The following BMP7 variants were observed in gnomAD, a reference collection of about 807,000 sequenced individuals.
The protein encoded by BMP7 is osteogenic protein 1.
BMP7 carries 12 observed loss-of-function variants against 41.2 expected under a neutral mutation model. The observed-to-expected ratio is 0.29, with a 90% CI of 0.19 to 0.47. The LOEUF is 0.47. BMP7 is among the 20% of genes least tolerant of loss of function. The pLI is 0.99. For missense variants in BMP7, 467 were observed against 606.0 expected (o/e 0.77, Z 2.41); for synonymous variants, 248 against 250.0 (o/e 0.99, Z 0.07).
At position 57,174,700 on chromosome 20, in the gene BMP7, T is replaced by G. The variant is rs995634585; in HGVS notation, c.1035+231A>C. 1.3e-5 allele frequency among the ~76,000 whole-genome samples: 2 copies of G among 152,050 alleles called. No homozygotes were observed. Among genetic ancestry groups the G allele is most frequent in the Non-Finnish European group, 2.9e-5 (2 of 68,004 alleles). On this transcript the variant is annotated intron_variant, in intron 5 of 6. Coordinates refer to ENST00000395863, the MANE Select transcript of BMP7 (RefSeq NM_001719.3). This position sits in a 1 kb window ranked among gnomAD's most constrained non-coding sequence, Gnocchi z 4.3. ...TGCATGCAGAGAATGGGGTTCAGAG[T>G]CCAAAGTGTTTGGGTTCCTGGTTCA... is the stretch of plus-strand genomic sequence containing the variant.
At chr20:57,205,558 G>A (rs1293302666) in intron 2 of BMP7, among the ~76,000 whole-genome samples, 1 of 152,154 alleles carries the variant, frequency 6.6e-6, no homozygotes, top group Admixed American at 6.6e-5. Flanking sequence ...TACTGAATCA[G>A]GCTCCCAAGG....
chr20:57,233,174 T>C (rs2426704), intron 1 of BMP7, among the ~76,000 whole-genome samples: 25,790 of 152,104 alleles, frequency 0.17, 2,546 homozygotes, highest in East Asian at 0.33. Flanking sequence ...CATCTCCCCA[T>C]GCCCACAGAG....
chr20:57,181,292 C>G (rs7268581), intron 4 of BMP7, among the ~76,000 whole-genome samples: 3,580 of 152,142 alleles, frequency 0.024, 116 homozygotes, highest in African/African-American at 0.076. Context: ...ATAGCTTGAG[C>G]CCAAGAGCTC....
At chr20:57,184,528 G>A (rs1051030234) in intron 3 of BMP7, among the ~76,000 whole-genome samples, 9 of 152,038 alleles carry the variant, frequency 5.9e-5, no homozygotes, top group African/African-American at 2.2e-4. Flanking sequence ...GGCAGTAGGG[G>A]CACGAGTCAG....
At chr20:57,184,782 C>G (rs933551334) in intron 3 of BMP7, among the ~76,000 whole-genome samples, 2 of 152,158 alleles carry the variant, frequency 1.3e-5, no homozygotes, top group African/African-American at 4.8e-5. Flanking sequence ...CTGGGGAAGA[C>G]AGAGGCCATG....
rs534030685 is a variant in BMP7 at position 57,255,765 on chromosome 20, A to G, written c.418+9940T>C. ...CAGTGAGTGGAGATCATGCCACTAC[A>G]CTCCAGCCTGGGGGATAGCGAGAGA... On this transcript the variant is annotated intron_variant, in intron 1 of 6. Transcript: ENST00000395863. Among the ~76,000 whole-genome samples, 56 of 128,556 alleles carry G rather than the reference A, an allele frequency of 4.4e-4. 1 individual carries two copies. 84.3% of individuals were successfully genotyped at this position (128,556 alleles called of 152,430 possible).
chr20:57,218,856 C>CTGGTAGCTGGTGTTTGG (rs1337621567), intron 2 of BMP7, among the ~76,000 whole-genome samples: 2 of 118,980 alleles, frequency 1.7e-5, no homozygotes, highest in Admixed American at 1.8e-4. Flanking sequence ...TATGTGTTTG[C>CTGGTAGCTGGTGTTTGG]TGGTAGCTGG....
At chr20:57,173,345 G>C (rs369263421) in intron 5 of BMP7, 35 bp from the exon 6 acceptor site, 1 of 1,594,640 alleles carries the variant, frequency 6.3e-7, no homozygotes, top group Non-Finnish European at 8.6e-7. Flanking sequence ...AAACCATGCA[G>C]AAGGCCTGAG....
intron 1 of BMP7, among the ~76,000 whole-genome samples, chr20:57,231,670 C>T (rs867579970): frequency 1.3e-5 from 2 of 152,212 alleles, no homozygotes; most frequent in Admixed American, 6.5e-5. Context: ...GCCCTTGAGT[C>T]GTGCCATGAT....
At position 57,228,054 on chromosome 20, in the gene BMP7, G is replaced by A. The variant is rs766115063; in HGVS notation, c.611+175C>T. 6.6e-5 allele frequency among the ~76,000 whole-genome samples: 10 copies of A among 152,026 alleles called. No homozygotes were observed. Among genetic ancestry groups the A allele is most frequent in the Non-Finnish European group, 1.5e-4 (10 of 68,008 alleles). On this transcript the variant is annotated intron_variant, in intron 2 of 6. Transcript: ENST00000395863. The surrounding 1 kb of genome is among the most constrained non-coding windows in gnomAD (Gnocchi z 4.5). ...TTCTACTATTCCTGAATTTGTTGTCGGTCATGGTTTTAAGGAAGTGACATA... is the reference window on the plus strand; with the variant it reads ...TTCTACTATTCCTGAATTTGTTGTCAGTCATGGTTTTAAGGAAGTGACATA...
rs149836190 is a variant in BMP7, at chr20:57,228,384, G to A, written c.456C>T (p.His152=). The part of the protein sequence containing the change: ...HDKEFFHPRY[H]HREFRFDLSK... ...AAAGATCAAACCGGAACTCTCGATGGTGGTAGCGTGGGTGGAAGAATTCCT... is the reference window on the plus strand; with the variant it reads ...AAAGATCAAACCGGAACTCTCGATGATGGTAGCGTGGGTGGAAGAATTCCT... Residue 152 remains histidine, a synonymous_variant, in exon 2 of 7, where the codon CAC becomes CAT. Coordinates refer to ENST00000395863, the MANE Select transcript of BMP7 (RefSeq NM_001719.3). The surrounding 1 kb of genome is among the most constrained non-coding windows in gnomAD (Gnocchi z 4.5). The A allele has an allele frequency of 1.2e-3, 1,919 of 1,614,190 alleles. 22 individuals are homozygous for A. In the African/African-American group the frequency reaches 0.021, roughly 17 times the overall value.
chr20:57,253,297 A>G (rs2066121586), intron 1 of BMP7, among the ~76,000 whole-genome samples: 1 of 152,212 alleles, frequency 6.6e-6, no homozygotes, highest in African/African-American at 2.4e-5. Flanking sequence ...TGTTAGGTCA[A>G]GTCAGTCAAA....
chr20:57,227,813 G>A lies in BMP7; in HGVS notation c.611+416C>T, dbSNP rs2066013257. Among the ~76,000 whole-genome samples, 3 of 151,976 alleles carry A rather than the reference G, an allele frequency of 2.0e-5. No individual in the cohort carries two copies. In the South Asian group the frequency reaches 6.2e-4, roughly 32 times the overall value. On this transcript the variant is annotated intron_variant, in intron 2 of 6. Transcript: ENST00000395863. ...AGAGTTCTCTGTTTTTTTTGGTTTG[G>A]GTTTTTTTCTTCCCCTAACATTTTA...
At chr20:57,257,751 T>C (rs1027442655) in intron 1 of BMP7, among the ~76,000 whole-genome samples, 1 of 137,992 alleles carries the variant, frequency 7.2e-6, no homozygotes, top group Non-Finnish European at 1.5e-5. Flanking sequence ...AGGCTGTGCA[T>C]GGGCAGGAGA....
At chr20:57,223,959 G>GC (rs1985249669) in intron 2 of BMP7, among the ~76,000 whole-genome samples, 1 of 152,226 alleles carries the variant, frequency 6.6e-6, no homozygotes, top group Non-Finnish European at 1.5e-5. Flanking sequence ...TGAGGGGGCT[G>GC]CATCGTTCCT....
chr20:57,237,879 C>T (rs1413937907), intron 1 of BMP7, among the ~76,000 whole-genome samples: 1 of 152,240 alleles, frequency 6.6e-6, no homozygotes, highest in Non-Finnish European at 1.5e-5. Flanking sequence ...ACTTAGATTG[C>T]AGCCCTGACA....
chr20:57,185,797 C>G (rs1984195377), intron 3 of BMP7, among the ~76,000 whole-genome samples: 1 of 152,156 alleles, frequency 6.6e-6, no homozygotes, highest in Non-Finnish European at 1.5e-5. Context: ...TAAATGCTAG[C>G]TCAGGGCAGA....
In BMP7 at chr20:57,266,338, G is replaced by T; in HGVS notation, c.-216C>A. ...GCCCCGGGCCCCTCGCCCCGCACTC[G>T]CCCGGGCGCACCGCAGGGCTTGGAA... On this transcript the variant is annotated 5_prime_UTR_variant, in exon 1 of 7. Transcript: ENST00000395863. 3.3e-6 allele frequency: 1 copy of T among 301,924 alleles called. No homozygotes were observed. Among genetic ancestry groups the T allele is most frequent in the Non-Finnish European group, 5.8e-6 (1 of 172,312 alleles). 18.7% of individuals were successfully genotyped at this position (301,924 alleles called of 1,614,324 possible). A position where few individuals can be genotyped will look rare whatever the true frequency, so the allele number is the denominator to read the frequency against.
In BMP7 at chr20:57,266,543, C is replaced by T. The variant is rs1020326856; in HGVS notation, c.-421G>A. The T allele has an allele frequency of 1.9e-5, 3 of 154,470 alleles. No individual in the cohort carries two copies. Among genetic ancestry groups the T allele is most frequent in the African/African-American group, 7.2e-5 (3 of 41,584 alleles). 9.6% of individuals were successfully genotyped at this position (154,470 alleles called of 1,614,324 possible). A position where few individuals can be genotyped will look rare whatever the true frequency, so the allele number is the denominator to read the frequency against. On this transcript the variant is annotated 5_prime_UTR_variant, in exon 1 of 7. Coordinates refer to ENST00000395863, the MANE Select transcript of BMP7 (RefSeq NM_001719.3). ...CGCCCTCGGGCGGCGGCAACCCACC[C>T]TCTTCCAACCTCCGGCGCGGATAGC...
Sources: gnomAD v4.1 joint callset for allele counts (sites outside exome capture counted in the v4.1 genomes callset) on GRCh38, gnomAD v4.1.1 for gene constraint, Gnocchi (gnomAD v3.1) non-coding constraint, MANE v1.5 for transcripts, NCBI Gene and HGNC (gene_info 2026-07-23, HGNC 2026-07-21) for gene names.